Variants in MYLK3 observed in about 807,000 individuals in gnomAD.
The protein encoded by MYLK3 is myosin light chain kinase 3, also known as MLC kinase.
In MYLK3, 55 loss-of-function variants were observed where a neutral mutation model predicts 76.3. That is an observed-to-expected ratio of 0.72 (90% confidence interval 0.58 to 0.90). The LOEUF is 0.90. Ranked by LOEUF, MYLK3 falls within the 40% of genes least tolerant of loss-of-function variation. The probability of loss-of-function intolerance (pLI) is 0.00; values close to 1 mark genes in which losing one functional copy is unlikely to be tolerated. For missense variants in MYLK3, 973 were observed against 1,053.6 expected (o/e 0.92, Z 1.06); for synonymous variants, 416 against 425.4 (o/e 0.98, Z 0.27).
chr16:46,732,073 G>T, intron 4 of MYLK3, 135 bp downstream of exon 4: 2 of 738,630 alleles, frequency 2.7e-6, no homozygotes, highest in Non-Finnish European at 4.3e-6. Flanking sequence ...TGTACCTGGA[G>T]ATGTTCCCGA....
In MYLK3 at chr16:46,737,795, G is replaced by A. The variant is rs267604551; in HGVS notation, c.917C>T (p.Pro306Leu). 6.2e-6 allele frequency: 10 copies of A among 1,612,354 alleles called. No homozygotes were observed. Among genetic ancestry groups the A allele is most frequent in the Middle Eastern group, 2.0e-4 (1 of 5,074 alleles). Residue 306 changes from proline to leucine, a missense_variant, in exon 3 of 13, where the codon CCA (proline) becomes CTA (leucine). Physicochemically the swap from Pro to Leu is moderately conservative, Grantham distance 98. Around this residue, in one of 2 missense-constraint regions of MYLK3, gnomAD observed 641 missense variants for 637.0 expected, o/e 1.01. Coordinates refer to ENST00000394809, the MANE Select transcript of MYLK3 (RefSeq NM_182493.3). ...CCCTGGGCACTGAGGGCCAGGCCCT[G>A]GAGTCAGCCTCGTGCCTTCCTCTAA... ...EPLEEGTRLTPGPGPQCPGPP... is the reference protein window; with the variant it reads ...EPLEEGTRLTLGPGPQCPGPP...
chr16:46,707,841 G>C, intron 12 of MYLK3, 78 bp from the exon 13 acceptor site: 1 of 1,045,732 alleles, frequency 9.6e-7, no homozygotes, highest in Admixed American at 2.2e-5. Flanking sequence ...ACAATAAAAG[G>C]ATTTAAGTGA....
chr16:46,723,494 C>T (rs1161024718), intron 8 of MYLK3, among the ~76,000 whole-genome samples: 1 of 152,114 alleles, frequency 6.6e-6, no homozygotes, highest in African/African-American at 2.4e-5. Context: ...TTTTAATTCT[C>T]TTAGGGGTAT....
Position 46,707,819 on chromosome 16 carries a change from C to A in MYLK3, c.2401-56G>T, listed in dbSNP as rs372149800. 5.1e-5 allele frequency: 68 copies of A among 1,326,784 alleles called. No individual in the cohort carries two copies. The African/African-American group carries it at 9.1e-4, about 18-fold the overall frequency. 82.2% of individuals were successfully genotyped at this position (1,326,784 alleles called of 1,614,324 possible). ...AAAAGCATGTATTTTAGACCAGTTG[C>A]CTTATGAAGAAACAATAAAAGGATT... On this transcript the variant is annotated intron_variant, in intron 12 of 12. Coordinates refer to ENST00000394809, the MANE Select transcript of MYLK3 (RefSeq NM_182493.3).
rs559677630 is a variant in MYLK3 at position 46,742,607 on chromosome 16, G to A, written c.478-2460C>T. Among the ~76,000 whole-genome samples the A allele has an allele frequency of 1.9e-4, 29 of 152,282 alleles. 1 individual carries two copies. In the South Asian group the frequency reaches 5.8e-3, roughly 30 times the overall value. ...CAAATGTCTCCCCAACCCTAAGGTG[G>A]TGGTTCCACTGTTTGTCTACATCAT... On this transcript the variant is annotated intron_variant, in intron 1 of 12. Coordinates refer to ENST00000394809, the MANE Select transcript of MYLK3 (RefSeq NM_182493.3).
intron 6 of MYLK3, 60 bp from the exon 7 acceptor site, chr16:46,729,193 C>G: frequency 7.6e-7 from 1 of 1,310,478 alleles, no homozygotes; most frequent in Non-Finnish European, 1.1e-6. Context: ...GAGGAGCCAG[C>G]TGACCTCCCA....
At chr16:46,713,670 G>T (rs1051986363) in intron 9 of MYLK3, among the ~76,000 whole-genome samples, 14 of 152,272 alleles carry the variant, frequency 9.2e-5, no homozygotes, top group South Asian at 6.2e-4. Flanking sequence ...TTGTACAATG[G>T]CTCTCTTGAA....
chr16:46,715,259 A>C (rs1208439175), intron 9 of MYLK3, among the ~76,000 whole-genome samples: 1 of 152,258 alleles, frequency 6.6e-6, no homozygotes, highest in East Asian at 1.9e-4. Flanking sequence ...GAGCTAATAC[A>C]GTAAGTACTA....
chr16:46,729,627 G>T lies in MYLK3; in HGVS notation c.1629C>A (p.Ala543=). ...TEKSTGLPLA[A]KIIKVKSAKD... ...TGGCGCTCTTCACTTTGATGATCTT[G>T]GCAGCCAGTGGGAGGCCTGTGGACT... The change falls in exon 6 of 13, where the codon GCC becomes GCA. Residue 543 remains alanine, a synonymous_variant. Transcript: ENST00000394809. The T allele has an allele frequency of 6.2e-7, 1 of 1,613,740 alleles. No individual in the cohort carries two copies. The highest frequency in any genetic ancestry group is 1.3e-5 in the African/African-American group (1 of 74,940).
intron 2 of MYLK3, among the ~76,000 whole-genome samples, chr16:46,738,357 A>G (rs1274254004): frequency 6.6e-6 from 1 of 152,258 alleles, no homozygotes; most frequent in Non-Finnish European, 1.5e-5. Flanking sequence ...TAATATCTCT[A>G]TGGAAGCCTG....
chr16:46,728,534 G>A lies in MYLK3; in HGVS notation c.1772+490C>T, dbSNP rs184198127. ...TCAGGAGTTCAAGACCAGCCTGGGCGACATAGCAAGACCTCATCTCTACAA... is the reference window on the plus strand; with the variant it reads ...TCAGGAGTTCAAGACCAGCCTGGGCAACATAGCAAGACCTCATCTCTACAA... On this transcript the variant is annotated intron_variant, in intron 7 of 12. Transcript: ENST00000394809. Among the ~76,000 whole-genome samples, 20 of 152,150 alleles carry A rather than the reference G, an allele frequency of 1.3e-4. No homozygotes were observed. In the East Asian group the frequency reaches 2.3e-3, roughly 18 times the overall value.
At chr16:46,729,852 C>G in intron 5 of MYLK3, 165 bp from the exon 6 acceptor site, 1 of 636,402 alleles carries the variant, frequency 1.6e-6, no homozygotes, top group Non-Finnish European at 2.8e-6. Context: ...ATCCCGAAAC[C>G]TGCAAAGCAA....
At position 46,740,149 on chromosome 16, in the gene MYLK3, T is replaced by TA; in HGVS notation, c.478-3dup. On this transcript the variant is annotated splice_polypyrimidine_tract_variant and splice_region_variant and intron_variant, in intron 1 of 12. Transcript: ENST00000394809. ...CTCTTCTTCCACTCGCTCTTTATTC[T>TA]AAAATAACAACCATAAAAAATGTCA... 1 of 1,612,844 alleles carries TA rather than the reference T, an allele frequency of 6.2e-7. No homozygotes were observed. Among genetic ancestry groups the TA allele is most frequent in the South Asian group, 1.1e-5 (1 of 91,034 alleles).
intron 10 of MYLK3, chr16:46,711,820 C>A (rs892454130): frequency 1.3e-5 from 3 of 228,762 alleles, no homozygotes; most frequent in African/African-American, 2.3e-5. Context: ...ATAAATACCC[C>A]CTAGATGAAA....
At chr16:46,725,168 T>C (rs968551109) in intron 8 of MYLK3, among the ~76,000 whole-genome samples, 2 of 152,240 alleles carry the variant, frequency 1.3e-5, no homozygotes, top group African/African-American at 4.8e-5. Context: ...CCTTGATGAA[T>C]TTATTAATCC....
intron 8 of MYLK3, among the ~76,000 whole-genome samples, chr16:46,724,862 A>C (rs1314367549): frequency 6.6e-6 from 1 of 152,210 alleles, no homozygotes; most frequent in Non-Finnish European, 1.5e-5. Context: ...ATTATGTTGA[A>C]TCTATAGATC....
rs1490009020 is a variant in MYLK3 at position 46,707,530 on chromosome 16, GCTT to G, written c.*171_*173del. On this transcript the variant is annotated 3_prime_UTR_variant, in exon 13 of 13. Coordinates refer to ENST00000394809, the MANE Select transcript of MYLK3 (RefSeq NM_182493.3). ...AGGCAGAAAAAAACGTTCTTAGGAA[GCTT>G]CTTTACAGCCACTTTTCATCCACAA... 1.1e-5 allele frequency: 6 copies of G among 545,576 alleles called. No homozygotes were observed. Among genetic ancestry groups the G allele is most frequent in the Non-Finnish European group, 1.9e-5 (6 of 307,746 alleles). 33.8% of individuals were successfully genotyped at this position (545,576 alleles called of 1,614,324 possible). A position where few individuals can be genotyped will look rare whatever the true frequency, so the allele number is the denominator to read the frequency against.
Position 46,727,225 on chromosome 16 carries a change from G to A in MYLK3, c.1914+11C>T, listed in dbSNP as rs533848245. ...CAGGGGCCCCTACCGCATGCCCAGG[G>A]CAGAACCCACCTTGAGGTCCAGGTG... On this transcript the variant is annotated intron_variant, in intron 8 of 12. Coordinates refer to ENST00000394809, the MANE Select transcript of MYLK3 (RefSeq NM_182493.3). 85 of 1,612,996 alleles carry A rather than the reference G, an allele frequency of 5.3e-5. No individual in the cohort carries two copies. In the Middle Eastern group the frequency reaches 1.3e-3, roughly 25 times the overall value.
intron 1 of MYLK3, among the ~76,000 whole-genome samples, chr16:46,743,390 C>T (rs960324708): frequency 3.3e-5 from 5 of 152,222 alleles, no homozygotes; most frequent in African/African-American, 1.2e-4. Flanking sequence ...GCGTTCAGCA[C>T]TGACGATGTG....
Sources: gnomAD v4.1 joint callset for allele counts (sites outside exome capture counted in the v4.1 genomes callset) on GRCh38, gnomAD v4.1.1 for gene constraint, gnomAD v4.1.1 regional missense constraint, MANE v1.5 for transcripts, NCBI Gene and HGNC (gene_info 2026-07-23, HGNC 2026-07-21) for gene names.